NAV3: variants seen among roughly 807,000 people sequenced by gnomAD.
The protein encoded by NAV3 is neuron navigator 3, also known as pore membrane and/or filament interacting like protein 1.
Under a neutral mutation model 244.7 loss-of-function variants are expected in NAV3, and 87 were observed. The observed-to-expected ratio is 0.36, with a 90% CI of 0.30 to 0.42. NAV3 has a LOEUF of 0.42. Ranked by LOEUF, NAV3 falls within the 20% of genes least tolerant of loss-of-function variation. NAV3 has a pLI of 1.00. For synonymous variants in NAV3, 1,126 were observed against 1,042.2 expected (o/e 1.08, Z -1.55); for missense variants, 2,663 against 2,893.3 (o/e 0.92, Z 1.83).
intron 20 of NAV3, among the ~76,000 whole-genome samples, chr12:78,144,301 G>T (rs954905557): frequency 2.0e-5 from 3 of 151,784 alleles, no homozygotes; most frequent in African/African-American, 4.8e-5. Context: ...CCACTTATTG[G>T]CTTATAGAAT....
intron 1 of NAV3, among the ~76,000 whole-genome samples, chr12:77,910,199 G>A (rs1038178325): frequency 6.6e-6 from 1 of 152,042 alleles, no homozygotes; most frequent in Non-Finnish European, 1.5e-5. Context: ...TCTGTAGACT[G>A]TACAGGAAGC....
intron 1 of NAV3, among the ~76,000 whole-genome samples, chr12:77,837,554 TAGAG>T (rs896871241): frequency 1.3e-5 from 2 of 152,106 alleles, no homozygotes; most frequent in African/African-American, 4.8e-5. Context: ...AACTGCAGCT[TAGAG>T]AGGTTAAATT....
chr12:78,018,809 A>T (rs1876660746), intron 8 of NAV3, among the ~76,000 whole-genome samples: 1 of 152,188 alleles, frequency 6.6e-6, no homozygotes, highest in Non-Finnish European at 1.5e-5. Context: ...AGTAATAAAA[A>T]TCCTTAGAAC....
At chr12:77,858,916 G>T (rs1286515076) in intron 1 of NAV3, among the ~76,000 whole-genome samples, 2 of 152,152 alleles carry the variant, frequency 1.3e-5, no homozygotes, top group South Asian at 2.1e-4. Context: ...ATTCTGCTAT[G>T]ATTTCCTACT....
chr12:78,000,670 A>ATT (rs376261708), intron 7 of NAV3, among the ~76,000 whole-genome samples: 2 of 143,282 alleles, frequency 1.4e-5, no homozygotes, highest in South Asian at 4.5e-4. Context: ...CGCCCGGCTA[A>ATT]TTTTTTGTAT....
intron 2 of NAV3, among the ~76,000 whole-genome samples, chr12:77,718,459 A>G (rs1876463119): frequency 6.6e-6 from 1 of 152,072 alleles, no homozygotes; most frequent in Non-Finnish European, 1.5e-5. Context: ...TCAGTGCCAC[A>G]TCATTTTGAT....
chr12:77,886,371 T>C (rs1302707065), intron 1 of NAV3, among the ~76,000 whole-genome samples: 2 of 152,142 alleles, frequency 1.3e-5, no homozygotes, highest in African/African-American at 4.8e-5. Flanking sequence ...ACAATGTATG[T>C]GTCAGTCTGT....
At chr12:78,168,609 G>A (rs1294490750) in intron 23 of NAV3, 146 bp from the exon 24 acceptor site, 16 of 563,480 alleles carry the variant, frequency 2.8e-5, no homozygotes, top group Non-Finnish European at 4.8e-5. Flanking sequence ...AAGTTATTAG[G>A]TACAGCTTGA....
intron 11 of NAV3, among the ~76,000 whole-genome samples, chr12:78,055,430 T>C (rs1308885460): frequency 3.3e-5 from 5 of 152,188 alleles, no homozygotes; most frequent in Non-Finnish European, 5.9e-5. Context: ...CAAGAATACA[T>C]GCATAATATG....
chr12:77,619,854 G>A (rs548321390), intron 2 of NAV3, among the ~76,000 whole-genome samples: 39 of 151,668 alleles, frequency 2.6e-4, no homozygotes, highest in Admixed American at 2.0e-3. Context: ...GAAATTGCAC[G>A]TTAATGTGAC....
At chr12:77,910,961 C>T (rs1886523996) in intron 1 of NAV3, among the ~76,000 whole-genome samples, 1 of 152,102 alleles carries the variant, frequency 6.6e-6, no homozygotes, top group African/African-American at 2.4e-5. Context: ...CAACAATGGA[C>T]ATGCAGAGGG....
At chr12:78,105,076 C>G (rs184043958) in intron 12 of NAV3, among the ~76,000 whole-genome samples, 49 of 152,100 alleles carry the variant, frequency 3.2e-4, no homozygotes, top group Admixed American at 3.2e-3. Flanking sequence ...TACATATTGC[C>G]AAATAATCTC....
chr12:78,012,454 C>T (rs990036473), intron 8 of NAV3, among the ~76,000 whole-genome samples: 3 of 152,022 alleles, frequency 2.0e-5, no homozygotes, highest in Non-Finnish European at 2.9e-5. Flanking sequence ...AAAACTCAAA[C>T]ATTGCACCAT....
chr12:77,844,861 A>G (rs939299438), intron 1 of NAV3, among the ~76,000 whole-genome samples: 7 of 152,056 alleles, frequency 4.6e-5, no homozygotes, highest in African/African-American at 1.4e-4. Flanking sequence ...GGAGTCCTTT[A>G]CTCCAACTGT....
intron 1 of NAV3, among the ~76,000 whole-genome samples, chr12:77,904,649 A>T (rs1731726): frequency 0.12 from 17,297 of 146,264 alleles, 1,107 homozygotes; most frequent in South Asian, 0.21. Flanking sequence ...ATAATTTTTT[A>T]AAAAAAAGAA....
In NAV3 at chr12:78,108,117, T is replaced by C. The variant is rs61936246; in HGVS notation, c.2637-8655T>C. On this transcript the variant is annotated intron_variant, in intron 12 of 39. Transcript: ENST00000397909. ...GAAAGTAAAAGAATGGTAAAAGATA[T>C]TCCTTGCAAATGGAAAGCAATAGTG... Among the ~76,000 whole-genome samples, 128 of 152,138 alleles carry C rather than the reference T, an allele frequency of 8.4e-4. 1 individual carries two copies. Among genetic ancestry groups the C allele is most frequent in the Admixed American group, 1.8e-3 (28 of 15,276 alleles).
intron 2 of NAV3, among the ~76,000 whole-genome samples, chr12:77,582,976 G>C (rs1279861693): frequency 6.6e-6 from 1 of 152,170 alleles, no homozygotes; most frequent in Non-Finnish European, 1.5e-5. Flanking sequence ...TAAGAATAGT[G>C]TTCTATATAA....
intron 2 of NAV3, among the ~76,000 whole-genome samples, chr12:77,674,173 A>G (rs1254477022): frequency 6.6e-6 from 1 of 152,206 alleles, no homozygotes; most frequent in Non-Finnish European, 1.5e-5. Context: ...TTTTCTTCAT[A>G]CAACTCTGGC....
At chr12:78,113,856 A>G (rs1955231422) in intron 12 of NAV3, among the ~76,000 whole-genome samples, 1 of 152,174 alleles carries the variant, frequency 6.6e-6, no homozygotes, top group Non-Finnish European at 1.5e-5. Context: ...CAAATTTTTA[A>G]AACTTTTATG....
Sources: allele counts gnomAD v4.1 joint callset (sites outside exome capture counted in the v4.1 genomes callset), GRCh38; gene constraint gnomAD v4.1.1; transcripts MANE v1.5; gene names NCBI Gene and HGNC (gene_info 2026-07-23, HGNC 2026-07-21).